Variants in CAMK2D observed in about 807,000 individuals in gnomAD.
CAMK2D encodes the protein calcium/calmodulin dependent protein kinase II delta.
Under a neutral mutation model 84.0 loss-of-function variants are expected in CAMK2D, and 37 were observed. The ratio of observed to expected loss-of-function variants is 0.44; its 90% confidence interval spans 0.34 to 0.58. CAMK2D has a LOEUF of 0.58. Ranked by LOEUF, CAMK2D falls within the 20% of genes least tolerant of loss-of-function variation. The pLI is 0.02. For synonymous variants in CAMK2D, 202 were observed against 212.5 expected (o/e 0.95, Z 0.43); for missense variants, 448 against 652.5 (o/e 0.69, Z 3.41).
At position 113,705,070 on chromosome 4, in the gene CAMK2D, G is replaced by A. The variant is rs749071356; in HGVS notation, c.161-43298C>T. 5.9e-5 allele frequency among the ~76,000 whole-genome samples: 9 copies of A among 151,748 alleles called. 1 individual carries two copies. The highest frequency in any genetic ancestry group is 1.7e-4 in the African/African-American group (7 of 41,416). On this transcript the variant is annotated intron_variant, in intron 2 of 20. Coordinates refer to ENST00000511664, the MANE Select transcript of CAMK2D (RefSeq NM_001321571.2). ...AAAGTGGTAGATTCCGGCCAGGCACGGTGGCTCACGCCTGTAATCCCAGCA... is the reference window on the plus strand; with the variant it reads ...AAAGTGGTAGATTCCGGCCAGGCACAGTGGCTCACGCCTGTAATCCCAGCA...
At chr4:113,653,514 A>T (rs1317159030) in intron 3 of CAMK2D, among the ~76,000 whole-genome samples, 3 of 152,096 alleles carry the variant, frequency 2.0e-5, no homozygotes, top group Non-Finnish European at 4.4e-5. Context: ...TTTTAGGCAG[A>T]ACCATCAATA....
intron 14 of CAMK2D, among the ~76,000 whole-genome samples, chr4:113,504,431 A>G (rs940963324): frequency 2.6e-5 from 4 of 152,166 alleles, no homozygotes; most frequent in Non-Finnish European, 2.9e-5. Context: ...AACATAATAA[A>G]CAGAAAGCTC....
At chr4:113,589,129 G>A (rs1363003418) in intron 4 of CAMK2D, among the ~76,000 whole-genome samples, 1 of 152,140 alleles carries the variant, frequency 6.6e-6, no homozygotes, top group Non-Finnish European at 1.5e-5. Flanking sequence ...CTGGGGCTGA[G>A]TGGGTCAGAA....
chr4:113,606,588 A>G (rs2098978714), intron 4 of CAMK2D, among the ~76,000 whole-genome samples: 1 of 152,036 alleles, frequency 6.6e-6, no homozygotes, highest in Non-Finnish European at 1.5e-5. Context: ...CAGAAAGACA[A>G]CAGACTACGG....
intron 2 of CAMK2D, among the ~76,000 whole-genome samples, chr4:113,691,832 A>G (rs1303355883): frequency 6.6e-6 from 1 of 152,190 alleles, no homozygotes; most frequent in East Asian, 1.9e-4. Context: ...CATTTGCCAC[A>G]CTATTTAAAT....
chr4:113,466,197 C>T (rs1411450071), intron 16 of CAMK2D, among the ~76,000 whole-genome samples: 1 of 151,784 alleles, frequency 6.6e-6, no homozygotes. Context: ...GTGGAGGTTG[C>T]AGTGAGCCGA....
chr4:113,755,602 C>A (rs1315517618), intron 2 of CAMK2D, among the ~76,000 whole-genome samples: 1 of 151,900 alleles, frequency 6.6e-6, no homozygotes, highest in African/African-American at 2.4e-5. Context: ...TTTACCACCA[C>A]GAGGCTTTGA....
At chr4:113,662,844 A>C (rs191762946) in intron 2 of CAMK2D, among the ~76,000 whole-genome samples, 1 of 152,174 alleles carries the variant, frequency 6.6e-6, no homozygotes, top group East Asian at 1.9e-4. Context: ...AGTTTCTGGC[A>C]CTCCCTGGGT....
intron 3 of CAMK2D, among the ~76,000 whole-genome samples, chr4:113,641,997 C>A (rs183652353): frequency 1.3e-5 from 2 of 151,002 alleles, no homozygotes; most frequent in African/African-American, 4.9e-5. Context: ...GCAACAAGAG[C>A]GAAACTCAGT....
intron 2 of CAMK2D, among the ~76,000 whole-genome samples, chr4:113,740,243 T>C (rs142163971): frequency 1.3e-5 from 2 of 152,138 alleles, no homozygotes; most frequent in East Asian, 1.9e-4. Context: ...GGACAAAAGG[T>C]AGAAACAATC....
intron 3 of CAMK2D, among the ~76,000 whole-genome samples, chr4:113,625,053 C>T (rs549274275): frequency 6.6e-5 from 10 of 152,310 alleles, no homozygotes; most frequent in African/African-American, 7.2e-5. Context: ...CCTGCCTAGT[C>T]AGCCAGATGT....
intron 14 of CAMK2D, among the ~76,000 whole-genome samples, chr4:113,504,502 T>C (rs2098100405): frequency 6.6e-6 from 1 of 152,226 alleles, no homozygotes; most frequent in Non-Finnish European, 1.5e-5. Context: ...TGTTGTGTTT[T>C]AATAAGAGGG....
At chr4:113,708,344 T>C (rs1340575154) in intron 2 of CAMK2D, among the ~76,000 whole-genome samples, 1 of 152,162 alleles carries the variant, frequency 6.6e-6, no homozygotes, top group African/African-American at 2.4e-5. Flanking sequence ...GGTTACAAAT[T>C]CCTTCAGAAG....
chr4:113,644,728 T>G (rs549506434), intron 3 of CAMK2D, among the ~76,000 whole-genome samples: 3 of 152,166 alleles, frequency 2.0e-5, no homozygotes, highest in Admixed American at 6.5e-5. Context: ...AACTCAGAAG[T>G]GGGAAGCAAA....
chr4:113,742,368 A>T (rs1004072244), intron 2 of CAMK2D, among the ~76,000 whole-genome samples: 3 of 152,190 alleles, frequency 2.0e-5, no homozygotes, highest in Non-Finnish European at 4.4e-5. Context: ...TCTGAACTCA[A>T]GAAACTGTTT....
At chr4:113,749,060 A>G (rs916679025) in intron 2 of CAMK2D, among the ~76,000 whole-genome samples, 1 of 151,838 alleles carries the variant, frequency 6.6e-6, no homozygotes, top group Non-Finnish European at 1.5e-5. Context: ...CCAAATCACT[A>G]TTGCCACTAT....
chr4:113,598,242 C>G (rs2098936382), intron 4 of CAMK2D, among the ~76,000 whole-genome samples: 1 of 152,026 alleles, frequency 6.6e-6, no homozygotes, highest in South Asian at 2.1e-4. Context: ...CTCATAAGTA[C>G]AATCAACTGA....
intron 17 of CAMK2D, among the ~76,000 whole-genome samples, chr4:113,462,644 C>T (rs565537806): frequency 2.0e-5 from 3 of 152,156 alleles, no homozygotes; most frequent in African/African-American, 7.2e-5. Flanking sequence ...TTAAAATACC[C>T]TATTTTAAAC....
At chr4:113,674,511 G>A (rs958910856) in intron 2 of CAMK2D, among the ~76,000 whole-genome samples, 2 of 152,110 alleles carry the variant, frequency 1.3e-5, no homozygotes, top group African/African-American at 4.8e-5. Context: ...CAGTTTACAA[G>A]GAAGCATATT....
Sources: gnomAD v4.1 joint callset for allele counts (sites outside exome capture counted in the v4.1 genomes callset) on GRCh38, gnomAD v4.1.1 for gene constraint, MANE v1.5 for transcripts, NCBI Gene and HGNC (gene_info 2026-07-23, HGNC 2026-07-21) for gene names.